Variants in PDE1C observed in about 807,000 individuals in gnomAD.
The protein encoded by PDE1C is dual specificity calcium/calmodulin-dependent 3',5'-cyclic nucleotide phosphodiesterase 1C.
PDE1C carries 62 observed loss-of-function variants against 93.1 expected under a neutral mutation model. The observed-to-expected ratio is 0.67, with a 90% CI of 0.54 to 0.82. PDE1C has a LOEUF of 0.82. Ranked by LOEUF, PDE1C falls within the 40% of genes least tolerant of loss-of-function variation. The pLI is 0.00. For synonymous variants in PDE1C, 325 were observed against 310.1 expected (o/e 1.05, Z -0.50); for missense variants, 742 against 884.6 (o/e 0.84, Z 2.04).
chr7:31,769,366 A>G (rs1242833692), intron 17 of PDE1C, among the ~76,000 whole-genome samples: 1 of 152,142 alleles, frequency 6.6e-6, no homozygotes, highest in East Asian at 1.9e-4. Flanking sequence ...CTCACCCTTG[A>G]TGTAGCTTTA....
At chr7:31,666,853 CAAAT>C in the PDE1C span, among the ~76,000 whole-genome samples, 123 of 151,988 alleles carry the variant, frequency 8.1e-4, no homozygotes, top group Middle Eastern at 3.4e-3. Context: ...TGTTGTTTAC[CAAAT>C]ATTTTCTCCA....
At position 31,751,755 on chromosome 7, in the gene PDE1C, T is replaced by C. The variant is rs893245952; in HGVS notation, c.*1629A>G. 5 of 152,164 alleles carry C rather than the reference T, an allele frequency of 3.3e-5. No homozygotes were observed. Among genetic ancestry groups the C allele is most frequent in the African/African-American group, 1.2e-4 (5 of 41,448 alleles). The allele number at this position is 152,164 out of a possible 1,614,324, so 9.4% of individuals were successfully genotyped here. ...TGAAGTATCATCATAAAGCACATTA[T>C]AAATAAACTGCCCAATAGCATGGTA... On this transcript the variant is annotated 3_prime_UTR_variant, in exon 18 of 18. Transcript: ENST00000396191.
chr7:31,916,832 T>C (rs191759501), intron 2 of PDE1C, among the ~76,000 whole-genome samples: 268 of 152,298 alleles, frequency 1.8e-3, no homozygotes, highest in Admixed American at 3.5e-3. Flanking sequence ...CATGACAGTA[T>C]CAGTTCCTGG....
intron 1 of PDE1C, among the ~76,000 whole-genome samples, chr7:32,234,118 A>G (rs951941792): frequency 3.9e-5 from 6 of 152,144 alleles, no homozygotes; most frequent in African/African-American, 1.2e-4. Flanking sequence ...ATAAAAATGC[A>G]ATTTATCAAA....
the PDE1C span, among the ~76,000 whole-genome samples, chr7:31,684,992 C>T: frequency 2.0e-5 from 3 of 152,118 alleles, no homozygotes; most frequent in Non-Finnish European, 2.9e-5. Context: ...ACATTGGTAA[C>T]AATCCAGGTG....
chr7:32,207,392 C>G (rs1805662218), intron 2 of PDE1C, among the ~76,000 whole-genome samples: 1 of 152,082 alleles, frequency 6.6e-6, no homozygotes, highest in Non-Finnish European at 1.5e-5. Flanking sequence ...CGAATCCTCC[C>G]AATCTTCCCA....
At chr7:31,964,871 C>T (rs1289447475) in intron 2 of PDE1C, among the ~76,000 whole-genome samples, 1 of 152,208 alleles carries the variant, frequency 6.6e-6, no homozygotes, top group Non-Finnish European at 1.5e-5. Context: ...CTCCGGCAAA[C>T]TCCAACAGAC....
At chr7:32,329,894 C>A (rs1428378691) in intron 1 of PDE1C, among the ~76,000 whole-genome samples, 1 of 152,232 alleles carries the variant, frequency 6.6e-6, no homozygotes, top group Non-Finnish European at 1.5e-5. Context: ...CTAACAGCTT[C>A]AGGCTTGGAG....
At position 31,824,859 on chromosome 7, in the gene PDE1C, C is replaced by T; in HGVS notation, c.1406+8G>A. Reference sequence around the variant, plus strand: ...CCTCACCCTCAGCCCTCAAGCTTCCCCACTGACCTCGAACGCCTCTGTCCT... The same window carrying T: ...CCTCACCCTCAGCCCTCAAGCTTCCTCACTGACCTCGAACGCCTCTGTCCT... On this transcript the variant is annotated splice_region_variant and intron_variant, in intron 13 of 17. Coordinates refer to ENST00000396191, the MANE Select transcript of PDE1C (RefSeq NM_001191057.4). 2 of 1,612,476 alleles carry T rather than the reference C, an allele frequency of 1.2e-6. No homozygotes were observed. Among genetic ancestry groups the T allele is most frequent in the African/African-American group, 1.3e-5 (1 of 74,942 alleles).
chr7:31,965,726 C>A (rs1385418966), intron 2 of PDE1C, among the ~76,000 whole-genome samples: 2 of 152,186 alleles, frequency 1.3e-5, no homozygotes, highest in African/African-American at 4.8e-5. Flanking sequence ...GGGTTACCCA[C>A]AAAGGGAAGC....
At chr7:31,780,986 T>A (rs1251892226) in intron 16 of PDE1C, among the ~76,000 whole-genome samples, 1 of 152,212 alleles carries the variant, frequency 6.6e-6, no homozygotes, top group Non-Finnish European at 1.5e-5. Context: ...CACTGCAGCT[T>A]ATGTGACTTG....
chr7:31,653,016 A>G, the PDE1C span: 7 of 1,391,422 alleles, frequency 5.0e-6, no homozygotes, highest in African/African-American at 1.0e-4. Flanking sequence ...GTATAGAATA[A>G]CTGAGCACCT....
chr7:31,801,658 T>C lies in PDE1C; in HGVS notation c.1891+7373A>G, dbSNP rs187894618. On this transcript the variant is annotated intron_variant, in intron 16 of 17. Coordinates refer to ENST00000396191, the MANE Select transcript of PDE1C (RefSeq NM_001191057.4). The stretch of plus-strand genomic sequence containing the variant: ...GTTTTTGTAGTTTGTTTCAAGTATT[T>C]GGTGCATAAATGTAAAAAATGATTA... 3.4e-3 allele frequency among the ~76,000 whole-genome samples: 520 copies of C among 151,608 alleles called. 2 individuals carry two copies. The highest frequency in any genetic ancestry group is 0.012 in the African/African-American group (505 of 41,496).
At chr7:31,891,916 T>C (rs1225424016) in intron 2 of PDE1C, among the ~76,000 whole-genome samples, 1 of 152,158 alleles carries the variant, frequency 6.6e-6, no homozygotes, top group Non-Finnish European at 1.5e-5. Flanking sequence ...GTTGTGAAAT[T>C]GTCCTGTAGT....
intron 1 of PDE1C, among the ~76,000 whole-genome samples, chr7:32,364,588 G>A (rs1784194892): frequency 6.6e-6 from 1 of 152,224 alleles, no homozygotes; most frequent in Admixed American, 6.5e-5. Context: ...GTCCTTGCAA[G>A]CCATGAGCCC....
chr7:32,089,128 C>T (rs1029680050), intron 3 of PDE1C, among the ~76,000 whole-genome samples: 14 of 152,160 alleles, frequency 9.2e-5, no homozygotes, highest in Admixed American at 1.3e-4. Flanking sequence ...GAGGGCATAT[C>T]GCAAAGTCTC....
chr7:32,260,225 T>C (rs1226344169), intron 1 of PDE1C, among the ~76,000 whole-genome samples: 1 of 152,190 alleles, frequency 6.6e-6, no homozygotes, highest in African/African-American at 2.4e-5. Context: ...AAGAGCACTA[T>C]CTGAACGCAG....
At chr7:31,979,846 A>G (rs566570183) in intron 2 of PDE1C, among the ~76,000 whole-genome samples, 7 of 152,320 alleles carry the variant, frequency 4.6e-5, no homozygotes, top group African/African-American at 9.6e-5. Context: ...ACAAGTCAAC[A>G]ACTACAGCAG....
intron 1 of PDE1C, among the ~76,000 whole-genome samples, chr7:32,359,246 C>A (rs1449408179): frequency 6.6e-6 from 1 of 152,122 alleles, no homozygotes; most frequent in Non-Finnish European, 1.5e-5. Context: ...GGTTATAAAT[C>A]CCCGTTTTTC....
Sources: gnomAD v4.1 joint callset for allele counts (sites outside exome capture counted in the v4.1 genomes callset) on GRCh38, gnomAD v4.1.1 for gene constraint, MANE v1.5 for transcripts, NCBI Gene and HGNC (gene_info 2026-07-23, HGNC 2026-07-21) for gene names.